Variants in ST3GAL2 observed in about 807,000 individuals in gnomAD.
ST3GAL2 encodes the protein ST3 beta-galactoside alpha-2,3-sialyltransferase 2, also known as CMP-N-acetylneuraminate-beta-galactosamide-alpha-2,3-sialyltransferase 2.
A neutral mutation model predicts 37.5 loss-of-function variants in ST3GAL2; 16 were observed. The observed-to-expected ratio is 0.43, with a 90% confidence interval of 0.29 to 0.65. ST3GAL2 has a LOEUF of 0.65. Among genes scored for constraint, ST3GAL2 ranks in the 30% least tolerant of loss-of-function variants. ST3GAL2 has a pLI of 0.17. For synonymous variants in ST3GAL2, 238 were observed against 202.9 expected (o/e 1.17, Z -1.47); for missense variants, 383 against 487.8 (o/e 0.79, Z 2.02).
intron 3 of ST3GAL2, among the ~76,000 whole-genome samples, chr16:70,389,809 C>T (rs190156727): frequency 2.1e-5 from 3 of 145,676 alleles, no homozygotes; most frequent in East Asian, 4.2e-4. Flanking sequence ...TTTTTTGAGA[C>T]GGAGTCTTGC....
rs2047739713 is a variant in ST3GAL2, at chr16:70,424,867, C to CA, written c.-1004+14081dup. 3.3e-5 allele frequency among the ~76,000 whole-genome samples: 5 copies of CA among 152,272 alleles called. No individual in the cohort carries two copies. In the East Asian group the frequency reaches 5.8e-4, roughly 18 times the overall value. On this transcript the variant is annotated intron_variant, in intron 1 of 6. Transcript: ENST00000342907. Reference sequence around the variant, plus strand: ...GTGGCACAGGCCTCCTTCGTCTCAGCATCTCTTTTCAAGATGCCTGCTGGA... The same window carrying CA: ...GTGGCACAGGCCTCCTTCGTCTCAGCAATCTCTTTTCAAGATGCCTGCTGGA...
At chr16:70,408,738 C>T (rs1356283385) in intron 1 of ST3GAL2, among the ~76,000 whole-genome samples, 3 of 151,718 alleles carry the variant, frequency 2.0e-5, no homozygotes, top group African/African-American at 7.3e-5. Context: ...TAGCCAGAAA[C>T]CCAGAAGGCA....
chr16:70,381,581 G>C lies in ST3GAL2; in HGVS notation c.*108C>G. ...GTCTCGTGATTGGCGGGGCACAGCA[G>C]ACGCCCCTGGGCTGCAGCATGATTG... On this transcript the variant is annotated 3_prime_UTR_variant, in exon 7 of 7. Transcript: ENST00000342907. 19 of 1,356,746 alleles carry C rather than the reference G, an allele frequency of 1.4e-5. No individual in the cohort carries two copies. Among genetic ancestry groups the C allele is most frequent in the Middle Eastern group, 2.6e-4 (1 of 3,914 alleles). The allele number at this position is 1,356,746 out of a possible 1,614,324, so 84.0% of individuals were successfully genotyped here.
At position 70,438,293 on chromosome 16, in the gene ST3GAL2, A is replaced by G. The variant is rs2047840423; in HGVS notation, c.-1004+656T>C. On this transcript the variant is annotated intron_variant, in intron 1 of 6. Coordinates refer to ENST00000342907, the MANE Select transcript of ST3GAL2 (RefSeq NM_006927.4). ...TCACAGGGGAATGACTGGGGGTAAG[A>G]AATGACTTCCATTCCAAGGCAGAGA... is the stretch of plus-strand genomic sequence containing the variant. Among the ~76,000 whole-genome samples, 5 of 152,236 alleles carry G rather than the reference A, an allele frequency of 3.3e-5. No individual in the cohort carries two copies. The South Asian group carries it at 1.0e-3, about 32-fold the overall frequency.
chr16:70,407,521 T>C (rs530588326), intron 1 of ST3GAL2, among the ~76,000 whole-genome samples: 1 of 152,310 alleles, frequency 6.6e-6, no homozygotes, highest in African/African-American at 2.4e-5. Context: ...CCTGAATGGC[T>C]GGTCCATGTC....
rs1597550187 is a variant in ST3GAL2 at position 70,378,369 on chromosome 16, A to G, written c.*3320T>C. The G allele has an allele frequency of 7.1e-6, 1 of 140,336 alleles. No homozygotes were observed. The highest frequency in any genetic ancestry group is 2.1e-4 in the East Asian group (1 of 4,758). 8.7% of individuals were successfully genotyped at this position (140,336 alleles called of 1,614,324 possible). On this transcript the variant is annotated 3_prime_UTR_variant, in exon 7 of 7. Transcript: ENST00000342907. ...CAGTGAGCCAAGATCGCGCCACTGC[A>G]CTCCAGCCTGGGTGACAGAGCAAGA...
chr16:70,436,020 G>T (rs1425473435), intron 1 of ST3GAL2, among the ~76,000 whole-genome samples: 1 of 149,396 alleles, frequency 6.7e-6, no homozygotes, highest in East Asian at 2.0e-4. Flanking sequence ...CAGCTACTTG[G>T]GAGGCTGAGG....
Position 70,381,656 on chromosome 16 carries a change from A to C in ST3GAL2, c.*33T>G. ...CCGGGCCGGAGCCCCGGTGCCCGAT[A>C]GATGGGCCGGAAGGGTCGCGGCGAG... is the stretch of plus-strand genomic sequence containing the variant. On this transcript the variant is annotated 3_prime_UTR_variant, in exon 7 of 7. Transcript: ENST00000342907. The C allele has an allele frequency of 6.2e-7, 1 of 1,605,934 alleles. No individual in the cohort carries two copies. The highest frequency in any genetic ancestry group is 8.5e-7 in the Non-Finnish European group (1 of 1,175,776).
chr16:70,417,086 C>T (rs746883484), intron 1 of ST3GAL2, among the ~76,000 whole-genome samples: 2 of 152,218 alleles, frequency 1.3e-5, no homozygotes, highest in Non-Finnish European at 2.9e-5. Context: ...TAACTTCTCT[C>T]ATGGTCCTGA....
intron 1 of ST3GAL2, among the ~76,000 whole-genome samples, chr16:70,419,361 G>A (rs1202086755): frequency 6.6e-6 from 1 of 152,240 alleles, no homozygotes; most frequent in African/African-American, 2.4e-5. Context: ...ATAGGGGAGA[G>A]AATACCAGGA....
Position 70,383,174 on chromosome 16 carries a change from G to T in ST3GAL2, c.759+16C>A. On this transcript the variant is annotated intron_variant, in intron 5 of 6. Transcript: ENST00000342907. The stretch of plus-strand genomic sequence containing the variant: ...GCACTGTTTCCACTGAGGTGGGGAA[G>T]AAGTGGGGAGCTTACCTTTTCTTTA... 1.2e-6 allele frequency: 2 copies of T among 1,612,784 alleles called. No individual in the cohort carries two copies. The highest frequency in any genetic ancestry group is 1.7e-6 in the Non-Finnish European group (2 of 1,179,680).
At chr16:70,391,844 A>G (rs1005050640) in intron 3 of ST3GAL2, among the ~76,000 whole-genome samples, 2 of 152,192 alleles carry the variant, frequency 1.3e-5, no homozygotes, top group African/African-American at 4.8e-5. Flanking sequence ...CCTGGGCTCA[A>G]TCAGTTCTCT....
intron 1 of ST3GAL2, among the ~76,000 whole-genome samples, chr16:70,403,268 A>G (rs2047568011): frequency 6.6e-6 from 1 of 152,212 alleles, no homozygotes; most frequent in Non-Finnish European, 1.5e-5. Context: ...GACAGGAATC[A>G]GGGAGATATG....
chr16:70,398,708 C>T lies in ST3GAL2; in HGVS notation c.-178G>A, dbSNP rs2047535004. On this transcript the variant is annotated 5_prime_UTR_variant, in exon 2 of 7. The change creates a new upstream start codon in the 5' untranslated region. Transcript: ENST00000342907. ...CGCCCTCCCTCATGTAGGGAGAACA[C>T]ACGTTGGCAGGAGTGGCTGTCCTGT... The T allele has an allele frequency of 1.5e-6, 1 of 649,406 alleles. No homozygotes were observed. The highest frequency in any genetic ancestry group is 2.9e-5 in the Admixed American group (1 of 34,358). The allele number at this position is 649,406 out of a possible 1,614,324, so 40.2% of individuals were successfully genotyped here. A position where few individuals can be genotyped will look rare whatever the true frequency, so the allele number is the denominator to read the frequency against.
rs139910413 is a variant in ST3GAL2, at chr16:70,428,697, G to A, written c.-1004+10252C>T. Among the ~76,000 whole-genome samples, 289 of 152,302 alleles carry A rather than the reference G, an allele frequency of 1.9e-3. 2 individuals are homozygous for A. Among genetic ancestry groups the A allele is most frequent in the African/African-American group, 6.6e-3 (275 of 41,560 alleles). ...CCCTGCCTTCTCAGTTCAGGCCTTT[G>A]TATCTTGGTATGTGTGGCCTTTTCC... On this transcript the variant is annotated intron_variant, in intron 1 of 6. Transcript: ENST00000342907.
chr16:70,406,259 C>G (rs1177669909), intron 1 of ST3GAL2, among the ~76,000 whole-genome samples: 3 of 151,958 alleles, frequency 2.0e-5, no homozygotes, highest in East Asian at 3.8e-4. Context: ...GCCTGGCCAA[C>G]ATGGTGAAAC....
intron 1 of ST3GAL2, among the ~76,000 whole-genome samples, chr16:70,433,062 G>C (rs1402483813): frequency 6.6e-6 from 1 of 152,214 alleles, no homozygotes; most frequent in Non-Finnish European, 1.5e-5. Context: ...TCCAAAGCGA[G>C]GCCACATCAC....
At chr16:70,423,971 T>C (rs907944071) in intron 1 of ST3GAL2, among the ~76,000 whole-genome samples, 1 of 151,004 alleles carries the variant, frequency 6.6e-6, no homozygotes, top group African/African-American at 2.4e-5. Flanking sequence ...GGCGGGAAAA[T>C]GGCATGAACT....
At chr16:70,394,925 C>T (rs2047504963) in intron 3 of ST3GAL2, 57 bp downstream of exon 3, 1 of 1,573,662 alleles carries the variant, frequency 6.4e-7, no homozygotes. Flanking sequence ...CAGAGGAGGG[C>T]AGTCCCCTTC....
Sources: allele counts gnomAD v4.1 joint callset (sites outside exome capture counted in the v4.1 genomes callset), GRCh38; gene constraint gnomAD v4.1.1; transcripts MANE v1.5; gene names NCBI Gene and HGNC (gene_info 2026-07-23, HGNC 2026-07-21).